Variants in EML6 observed in about 807,000 individuals in gnomAD.
The protein encoded by EML6 is EMAP like 6, also known as echinoderm microtubule-associated protein-like 6.
In EML6, 154 loss-of-function variants were observed where a neutral mutation model predicts 240.1. The observed-to-expected ratio is 0.64, with a 90% CI of 0.56 to 0.73. EML6 has a LOEUF of 0.73. Ranked by LOEUF, EML6 falls within the 30% of genes least tolerant of loss-of-function variation. EML6 has a pLI of 0.00. For missense variants in EML6, 2,964 were observed against 2,474.6 expected (o/e 1.20, Z -4.20); for synonymous variants, 1,148 against 899.0 (o/e 1.28, Z -4.95).
Position 54,928,393 on chromosome 2 carries a change from G to A in EML6, c.3756G>A (p.Val1252=), listed in dbSNP as rs1396449459. The stretch of plus-strand genomic sequence containing the variant: ...TGAGGTGGCTGCACAATGACTCTGT[G>A]CTGCTCACGGTGGGCGGCGCCGACA... ...TNVRWLHNDS[V]LLTVGGADTA... Residue 1252 remains valine (V), a synonymous_variant, in exon 27 of 42, where the codon GTG becomes GTA. Coordinates refer to ENST00000356458, the MANE Select transcript of EML6 (RefSeq NM_001039753.4). The A allele has an allele frequency of 1.3e-6, 2 of 1,551,958 alleles. No homozygotes were observed. Among genetic ancestry groups the A allele is most frequent in the Non-Finnish European group, 1.7e-6 (2 of 1,147,048 alleles).
Position 54,895,043 on chromosome 2 carries a change from T to A in EML6, c.2854+17T>A. ...GCTCAAAAGGTGCCACTCCCAAACA[T>A]GTAATAGAGATCTTTGTATTCATAG... On this transcript the variant is annotated intron_variant, in intron 20 of 41. Transcript: ENST00000356458. 3.3e-6 allele frequency: 5 copies of A among 1,509,178 alleles called. No homozygotes were observed. Among genetic ancestry groups the A allele is most frequent in the Non-Finnish European group, 4.5e-6 (5 of 1,108,296 alleles). The allele number at this position is 1,509,178 out of a possible 1,614,324, so 93.5% of individuals were successfully genotyped here. A position where few individuals can be genotyped will look rare whatever the true frequency, so the allele number is the denominator to read the frequency against.
rs1353491685 is a variant in EML6 at position 54,724,385 on chromosome 2, T to C, written c.-513-164T>C. Among the ~76,000 whole-genome samples the C allele has an allele frequency of 6.6e-6, 1 of 152,172 alleles. No homozygotes were observed. The highest frequency in any genetic ancestry group is 1.5e-5 in the Non-Finnish European group (1 of 68,026). Reference sequence around the variant, plus strand: ...ACTGCCAGGCAGCAGCATTTACGCATATTTCATATCATTAAGGAGATGGAA... The same window carrying C: ...ACTGCCAGGCAGCAGCATTTACGCACATTTCATATCATTAAGGAGATGGAA... On this transcript the variant is annotated intron_variant, in intron 1 of 41. Coordinates refer to ENST00000356458, the MANE Select transcript of EML6 (RefSeq NM_001039753.4). The surrounding 1 kb of genome is among the most constrained non-coding windows in gnomAD (Gnocchi z 5.2).
chr2:54,940,922 C>T (rs10211316), intron 28 of EML6, among the ~76,000 whole-genome samples: 23,145 of 152,180 alleles, frequency 0.15, 2,469 homozygotes, highest in African/African-American at 0.29. Flanking sequence ...CTATTGTACA[C>T]ACCAAGGTGC....
rs1572905321 is a variant in EML6 at position 54,793,724 on chromosome 2, C to T, written c.198-19508C>T. Among the ~76,000 whole-genome samples, 3 of 152,122 alleles carry T rather than the reference C, an allele frequency of 2.0e-5. No individual in the cohort carries two copies. In the South Asian group the frequency reaches 6.2e-4, roughly 32 times the overall value. On this transcript the variant is annotated intron_variant, in intron 2 of 41. Coordinates refer to ENST00000356458, the MANE Select transcript of EML6 (RefSeq NM_001039753.4). ...TTGAGCCAGATGTGGCTGGTGACTACATAAGTGTTGTGGACTTCCAGGAAG... is the reference window on the plus strand; with the variant it reads ...TTGAGCCAGATGTGGCTGGTGACTATATAAGTGTTGTGGACTTCCAGGAAG...
chr2:54,963,064 G>T (rs992415001), intron 36 of EML6, among the ~76,000 whole-genome samples: 2 of 147,370 alleles, frequency 1.4e-5, no homozygotes, highest in African/African-American at 4.9e-5. Context: ...TTAGAGCTTG[G>T]GAAGGCAATG....
intron 17 of EML6, among the ~76,000 whole-genome samples, chr2:54,887,981 G>C (rs949133212): frequency 3.3e-5 from 5 of 152,188 alleles, no homozygotes. Flanking sequence ...TGCGAGTTTT[G>C]ACAAATGTAT....
At chr2:54,950,925 G>C (rs140910447) in intron 30 of EML6, 146 bp downstream of exon 30, 4 of 881,532 alleles carry the variant, frequency 4.5e-6, no homozygotes, top group Middle Eastern at 3.4e-4. Flanking sequence ...GTTAGGCCTG[G>C]TAACGCTCAG....
intron 15 of EML6, among the ~76,000 whole-genome samples, chr2:54,870,496 G>T (rs954581608): frequency 6.6e-6 from 1 of 152,140 alleles, no homozygotes; most frequent in Non-Finnish European, 1.5e-5. Context: ...CTGACCGTTG[G>T]TTTATACATG....
chr2:54,836,224 G>A (rs1460959438), intron 7 of EML6, among the ~76,000 whole-genome samples: 1 of 152,172 alleles, frequency 6.6e-6, no homozygotes, highest in African/African-American at 2.4e-5. Flanking sequence ...CTGGCTTGTA[G>A]TAATTCCTCT....
intron 35 of EML6, among the ~76,000 whole-genome samples, chr2:54,961,599 C>T (rs1676518639): frequency 6.6e-6 from 1 of 152,012 alleles, no homozygotes. Flanking sequence ...CTGGCAGAGG[C>T]TGGGTGATGG....
At chr2:54,927,180 A>G (rs968326781) in intron 26 of EML6, among the ~76,000 whole-genome samples, 10 of 152,196 alleles carry the variant, frequency 6.6e-5, no homozygotes, top group African/African-American at 2.4e-4. Context: ...TGTTTGCTTC[A>G]GGAATCTTTC....
At chr2:54,936,016 C>T (rs939318993) in intron 28 of EML6, among the ~76,000 whole-genome samples, 1 of 152,166 alleles carries the variant, frequency 6.6e-6, no homozygotes, top group African/African-American at 2.4e-5. Flanking sequence ...GCCAACAGAG[C>T]GAGACCCTGT....
chr2:54,853,523 A>C (rs2103774360), intron 10 of EML6, 120 bp from the exon 11 acceptor site: 1 of 680,888 alleles, frequency 1.5e-6, no homozygotes, highest in Non-Finnish European at 2.3e-6. Context: ...TGGGATAAAG[A>C]GATTAAAATA....
At chr2:54,868,942 C>T (rs6725681) in intron 14 of EML6, 7,956 of 444,230 alleles carry the variant, frequency 0.018, 507 homozygotes, top group African/African-American at 0.13. Context: ...GCGCACACAA[C>T]AGCTGAGGAT....
At chr2:54,916,978 A>C (rs1558683501) in intron 26 of EML6, 43 bp downstream of exon 26, 1 of 1,387,950 alleles carries the variant, frequency 7.2e-7, no homozygotes, top group Admixed American at 2.1e-5. Context: ...CAGTCTCCTT[A>C]ATAACCTTAA....
chr2:54,905,047 A>T (rs1053934307), intron 24 of EML6, among the ~76,000 whole-genome samples: 1 of 152,182 alleles, frequency 6.6e-6, no homozygotes, highest in African/African-American at 2.4e-5. Flanking sequence ...ACAAGTCCCA[A>T]CAAGGGCAAA....
At chr2:54,794,009 C>A (rs1369740152) in intron 2 of EML6, among the ~76,000 whole-genome samples, 2 of 152,212 alleles carry the variant, frequency 1.3e-5, no homozygotes, top group African/African-American at 4.8e-5. Context: ...TGCCTCACCT[C>A]ATCTAATAAA....
intron 11 of EML6, among the ~76,000 whole-genome samples, chr2:54,854,148 A>C (rs1670243685): frequency 6.6e-6 from 1 of 152,188 alleles, no homozygotes; most frequent in Non-Finnish European, 1.5e-5. Context: ...GTAAATATTC[A>C]TAGTTTATAT....
intron 38 of EML6, among the ~76,000 whole-genome samples, chr2:54,965,531 A>G (rs988776026): frequency 6.6e-6 from 1 of 152,200 alleles, no homozygotes; most frequent in African/African-American, 2.4e-5. Context: ...TTATTACTCA[A>G]ATTGGTCTCC....
Sources: allele counts gnomAD v4.1 joint callset (sites outside exome capture counted in the v4.1 genomes callset), GRCh38; gene constraint gnomAD v4.1.1; non-coding constraint Gnocchi (gnomAD v3.1); transcripts MANE v1.5; gene names NCBI Gene and HGNC (gene_info 2026-07-23, HGNC 2026-07-21).